POU2F2: variants seen among roughly 807,000 people sequenced by gnomAD.
POU2F2 encodes POU domain, class 2, transcription factor 2.
POU2F2 carries 14 observed loss-of-function variants against 63.5 expected under a neutral mutation model. The observed-to-expected ratio is 0.22, with a 90% confidence interval of 0.15 to 0.34. The LOEUF (loss-of-function observed/expected upper bound fraction) is 0.34. POU2F2 is among the 10% of genes least tolerant of loss of function. The pLI is 1.00. For synonymous variants in POU2F2, 306 were observed against 348.6 expected, an observed-to-expected ratio of 0.88 and a Z score of 1.36; for missense variants, 607 against 815.2, an observed-to-expected ratio of 0.74 and a Z score of 3.11.
rs1432896888 is a variant in POU2F2, at chr19:42,092,313, C to T, written c.1265-43G>A. The stretch of plus-strand genomic sequence containing the variant: ...AAAGATGGGGTCTTCAGCTTCCACT[C>T]GTCCCCCACTGAGGAACCTGGGGTC... On this transcript the variant is annotated intron_variant, in intron 12 of 14. Transcript: ENST00000692977. The surrounding 1 kb of genome is among the most constrained non-coding windows in gnomAD (Gnocchi z 5.0). 2.8e-6 allele frequency: 4 copies of T among 1,439,520 alleles called. No individual in the cohort carries two copies. Among genetic ancestry groups the T allele is most frequent in the Non-Finnish European group, 2.9e-6 (3 of 1,045,966 alleles). The allele number at this position is 1,439,520 out of a possible 1,614,324, so 89.2% of individuals were successfully genotyped here. A position where few individuals can be genotyped will look rare whatever the true frequency, so the allele number is the denominator to read the frequency against.
In POU2F2 at chr19:42,152,140, C is replaced by T. The variant is rs571866082; in HGVS notation, c.-9+8192G>A. Among the ~76,000 whole-genome samples the T allele has an allele frequency of 9.9e-5, 15 of 152,242 alleles. No homozygotes were observed. Among genetic ancestry groups the T allele is most frequent in the African/African-American group, 2.6e-4 (11 of 41,552 alleles). The stretch of plus-strand genomic sequence containing the variant: ...CCATCCACCCAGCCTGACTGTGGGG[C>T]GCAACGGGTAGCTGAGGCAATGAAC... On this transcript the variant is annotated intron_variant, in intron 2 of 6. Coordinates refer to the POU2F2 transcript ENST00000524801. This position sits in a 1 kb window ranked among gnomAD's most constrained non-coding sequence, Gnocchi z 4.1.
chr19:42,191,487 C>T (rs943472890), intron 1 of POU2F2, among the ~76,000 whole-genome samples: 2 of 151,664 alleles, frequency 1.3e-5, no homozygotes, highest in South Asian at 2.1e-4. Flanking sequence ...TGTTGGTTAC[C>T]TCAACCCTGC....
chr19:42,129,699 C>G (rs1261125583), intron 1 of POU2F2, among the ~76,000 whole-genome samples: 1 of 152,200 alleles, frequency 6.6e-6, no homozygotes, highest in East Asian at 1.9e-4. Context: ...CCTCTGTGGG[C>G]CCAGCTGGCC....
chr19:42,196,462 G>C (rs2035146677), exon 1 of POU2F2: 1 of 152,302 alleles, frequency 6.6e-6, no homozygotes, highest in Admixed American at 6.5e-5. Context: ...TCCAGCAAAG[G>C]CTGTCCCCTG....
intron 1 of POU2F2, among the ~76,000 whole-genome samples, chr19:42,195,933 C>T (rs903892717): frequency 4.6e-5 from 7 of 152,108 alleles, no homozygotes; most frequent in Non-Finnish European, 8.8e-5. Context: ...GCATGTGCCA[C>T]CATACTCGGC....
chr19:42,099,960 T>G, intron 5 of POU2F2, 139 bp from the exon 6 acceptor site: 4 of 680,810 alleles, frequency 5.9e-6, no homozygotes, highest in Non-Finnish European at 5.1e-6. Flanking sequence ...TGAGGGATCG[T>G]CCACTCGGTC....
intron 1 of POU2F2, among the ~76,000 whole-genome samples, chr19:42,183,111 C>A (rs912654815): frequency 2.0e-5 from 3 of 152,196 alleles, no homozygotes; most frequent in Non-Finnish European, 2.9e-5. Flanking sequence ...CAGGCTGACT[C>A]TCCCCAAGCA....
chr19:42,113,200 A>C (rs997350175), intron 5 of POU2F2, among the ~76,000 whole-genome samples: 1 of 152,134 alleles, frequency 6.6e-6, no homozygotes, highest in African/African-American at 2.4e-5. Flanking sequence ...CCTACTCTCC[A>C]ATATAAAATG....
chr19:42,179,660 C>T (rs935343622), upstream of POU2F2, among the ~76,000 whole-genome samples: 1 of 152,068 alleles, frequency 6.6e-6, no homozygotes, highest in African/African-American at 2.4e-5. Context: ...ACACGCGGGA[C>T]CCTCATGTGT....
At position 42,095,278 on chromosome 19, in the gene POU2F2, C is replaced by G; in HGVS notation, c.1197+8G>C. The G allele has an allele frequency of 6.2e-7, 1 of 1,611,252 alleles. No homozygotes were observed. Among genetic ancestry groups the G allele is most frequent in the Non-Finnish European group, 8.5e-7 (1 of 1,179,408 alleles). On this transcript the variant is annotated splice_region_variant and intron_variant, in intron 11 of 14. Coordinates refer to ENST00000692977, the MANE Select transcript of POU2F2 (RefSeq NM_001394376.1). The surrounding 1 kb of genome is among the most constrained non-coding windows in gnomAD (Gnocchi z 7.1). ...GGTCTCCCCACCCCCCAGGCGGGCTCTTGGTACCATATGGGGGCTGTAGCT... is the reference window on the plus strand; with the variant it reads ...GGTCTCCCCACCCCCCAGGCGGGCTGTTGGTACCATATGGGGGCTGTAGCT...
Position 42,192,992 on chromosome 19 carries a change from G to A in POU2F2, c.-70+3391C>T, listed in dbSNP as rs113225528. The stretch of plus-strand genomic sequence containing the variant: ...TCCCAGCACTTTGGGAGGCTGAGGC[G>A]GGCGGATCACGAAGTCAGGAGATCA... On this transcript the variant is annotated intron_variant, in intron 1 of 5. Transcript: ENST00000532176. Among the ~76,000 whole-genome samples, 784 of 152,002 alleles carry A rather than the reference G, an allele frequency of 5.2e-3. 8 individuals are homozygous for A. The highest frequency in any genetic ancestry group is 0.018 in the African/African-American group (726 of 41,446).
intron 1 of POU2F2, among the ~76,000 whole-genome samples, chr19:42,168,637 C>T (rs922707391): frequency 6.6e-6 from 1 of 152,160 alleles, no homozygotes; most frequent in Non-Finnish European, 1.5e-5. Flanking sequence ...AATCTGGGCC[C>T]CAGGTGAAAG....
At chr19:42,139,809 A>G (rs2034091956) in intron 2 of POU2F2, among the ~76,000 whole-genome samples, 1 of 152,202 alleles carries the variant, frequency 6.6e-6, no homozygotes, top group African/African-American at 2.4e-5. Context: ...TCAACTGGCC[A>G]TTGACAAATA....
At position 42,195,646 on chromosome 19, in the gene POU2F2, CTTCCCTCCCTCCCTTCCTCT is replaced by C. The variant is rs527369425; in HGVS notation, c.-70+717_-70+736del. ...CGCGCCTGGCCCCCTCCCTCCCTTT[CTTCCCTCCCTCCCTTCCTCT>C]TTCCCTCCCTCCCTTTCTTCCTTCC... On this transcript the variant is annotated intron_variant, in intron 1 of 5. Transcript: ENST00000532176. Among the ~76,000 whole-genome samples, 770 of 136,044 alleles carry C rather than the reference CTTCCCTCCCTCCCTTCCTCT, an allele frequency of 5.7e-3. 6 individuals are homozygous for C. Among genetic ancestry groups the C allele is most frequent in the African/African-American group, 0.02 (731 of 36,820 alleles). 89.3% of individuals were successfully genotyped at this position (136,044 alleles called of 152,430 possible). A position where few individuals can be genotyped will look rare whatever the true frequency, so the allele number is the denominator to read the frequency against.
At chr19:42,177,928 G>A (rs2034915671), upstream of POU2F2, among the ~76,000 whole-genome samples, 1 of 151,908 alleles carries the variant, frequency 6.6e-6, no homozygotes, top group Non-Finnish European at 1.5e-5. Flanking sequence ...GAGACACACA[G>A]AAACAAATAG....
At position 42,095,577 on chromosome 19, in the gene POU2F2, C is replaced by T. The variant is rs988567070; in HGVS notation, c.988G>A (p.Val330Ile). The change falls in exon 10 of 15, where the codon GTC becomes ATC. Residue 330 changes from valine (V) to isoleucine (I), a missense_variant. Val to Ile is a conservative substitution (Grantham distance 29). This residue lies in a region of POU2F2 where 36 missense variants were observed against 63.8 expected (regional missense o/e 0.56). Coordinates refer to ENST00000692977, the MANE Select transcript of POU2F2 (RefSeq NM_001394376.1). The surrounding 1 kb of genome is among the most constrained non-coding windows in gnomAD (Gnocchi z 7.1). ...AAACTCTTCTCTAAGGCGAAGCGGA[C>T]GTTTGTCTCGATGCTGGTCCTCTTC... is the stretch of plus-strand genomic sequence containing the variant. ...RKKRTSIETNVRFALEKSFLA... is the reference protein window; with the variant it reads ...RKKRTSIETNIRFALEKSFLA... 8 of 1,609,782 alleles carry T rather than the reference C, an allele frequency of 5.0e-6. No homozygotes were observed. The highest frequency in any genetic ancestry group is 4.0e-5 in the African/African-American group (3 of 74,698).
intron 11 of POU2F2, among the ~76,000 whole-genome samples, chr19:42,094,475 C>T (rs545551355): frequency 1.3e-5 from 2 of 152,320 alleles, no homozygotes; most frequent in South Asian, 4.1e-4. Flanking sequence ...AGAAACCTCA[C>T]TAAATGTGAC....
At chr19:42,167,131 A>G (rs965401374) in intron 1 of POU2F2, among the ~76,000 whole-genome samples, 2 of 152,208 alleles carry the variant, frequency 1.3e-5, no homozygotes. Context: ...CCTAAGAAGG[A>G]AAATAAAGCA....
intron 4 of POU2F2, among the ~76,000 whole-genome samples, chr19:42,121,769 C>T (rs977663415): frequency 6.6e-6 from 1 of 152,204 alleles, no homozygotes; most frequent in Non-Finnish European, 1.5e-5. Context: ...TGGTACCAGC[C>T]CCCCCACCCC....
Sources: gnomAD v4.1 joint callset for allele counts (sites outside exome capture counted in the v4.1 genomes callset) on GRCh38, gnomAD v4.1.1 for gene constraint, gnomAD v4.1.1 regional missense constraint, Gnocchi (gnomAD v3.1) non-coding constraint, MANE v1.5 for transcripts, NCBI Gene and HGNC (gene_info 2026-07-23, HGNC 2026-07-21) for gene names.